The following PRDM2 variants were observed in gnomAD, a reference collection of about 807,000 sequenced individuals.
The protein encoded by PRDM2 is PR/SET domain 2.
In PRDM2, 30 loss-of-function variants were observed where a neutral mutation model predicts 130.0. The observed-to-expected ratio is 0.23, with a 90% CI of 0.17 to 0.31. The LOEUF (loss-of-function observed/expected upper bound fraction) is 0.31, where lower values mean the gene tolerates loss of function less well. Among genes scored for constraint, PRDM2 ranks in the 10% least tolerant of loss-of-function variants. The probability of loss-of-function intolerance (pLI) is 1.00; values close to 1 mark genes in which losing one functional copy is unlikely to be tolerated. For missense variants in PRDM2, 2,011 were observed against 2,108.4 expected, an observed-to-expected ratio of 0.95 and a Z score of 0.90; for synonymous variants, 871 against 782.4, an observed-to-expected ratio of 1.11 and a Z score of -1.89.
intron 6 of PRDM2, among the ~76,000 whole-genome samples, chr1:13,764,642 T>C (rs1418538254): frequency 6.6e-6 from 1 of 152,228 alleles, no homozygotes; most frequent in Non-Finnish European, 1.5e-5. Context: ...GCCTGACATT[T>C]GGAAGAGTTA....
chr1:13,737,089 T>C (rs1643296609), intron 4 of PRDM2, among the ~76,000 whole-genome samples: 1 of 152,226 alleles, frequency 6.6e-6, no homozygotes, highest in Non-Finnish European at 1.5e-5. Flanking sequence ...AAGTTAAAAT[T>C]GCAGGCAAGA....
chr1:13,752,711 C>T (rs563188212), intron 6 of PRDM2, among the ~76,000 whole-genome samples: 1 of 152,206 alleles, frequency 6.6e-6, no homozygotes, highest in South Asian at 2.1e-4. Flanking sequence ...AGTTCTTTTA[C>T]CTGGAGAAAC....
At chr1:13,738,676 A>G (rs965484191) in intron 4 of PRDM2, 2 of 152,182 alleles carry the variant, frequency 1.3e-5, no homozygotes, top group Non-Finnish European at 2.9e-5. Context: ...ATGTGCTATC[A>G]CCTGTTAGAT....
chr1:13,757,223 C>T (rs1237053589), intron 6 of PRDM2, among the ~76,000 whole-genome samples: 1 of 152,174 alleles, frequency 6.6e-6, no homozygotes, highest in Admixed American at 6.5e-5. Flanking sequence ...TTCAAACACC[C>T]CAAATAGTTT....
chr1:13,811,494 G>C (rs994537502), intron 8 of PRDM2, among the ~76,000 whole-genome samples: 1 of 152,220 alleles, frequency 6.6e-6, no homozygotes. Context: ...GACAGGGGCC[G>C]GGCCTGGGGA....
chr1:13,719,631 T>C (rs2100429570), intron 2 of PRDM2, among the ~76,000 whole-genome samples: 1 of 152,358 alleles, frequency 6.6e-6, no homozygotes, highest in Non-Finnish European at 1.5e-5. Context: ...GGGTACTTTT[T>C]TGTATTTCAG....
chr1:13,793,179 G>A (rs566249443), intron 8 of PRDM2, among the ~76,000 whole-genome samples: 1 of 152,366 alleles, frequency 6.6e-6, no homozygotes, highest in South Asian at 2.1e-4. Flanking sequence ...CTGAGTGGCA[G>A]GGCATGCTGC....
chr1:13,745,988 A>C (rs771523358), intron 5 of PRDM2, among the ~76,000 whole-genome samples: 30 of 152,150 alleles, frequency 2.0e-4, no homozygotes, highest in Non-Finnish European at 1.5e-5. Flanking sequence ...CTAATTTTCT[A>C]ATATTTCTGA....
chr1:13,780,036 T>A lies in PRDM2; in HGVS notation c.2241T>A (p.Ser747Arg). ...CTCCTCCCAGTTCTCCACAGCACAGTCCTGCCCTTCGAGACTTTGGAAAGC... is the reference window on the plus strand; with the variant it reads ...CTCCTCCCAGTTCTCCACAGCACAGACCTGCCCTTCGAGACTTTGGAAAGC... The part of the protein sequence containing the change: ...TSSPPSSPQH[S>R]PALRDFGKPS... The change falls in exon 8 of 10, where the codon AGT (serine) becomes AGA (arginine). Residue 747 changes from serine (S) to arginine (R), a missense_variant. Ser to Arg is a moderately radical substitution (Grantham distance 110, BLOSUM62 -1). Around this residue, in one of 5 missense-constraint regions of PRDM2, gnomAD observed 1,288 missense variants for 1,237.7 expected, o/e 1.04. Coordinates refer to ENST00000311066, the MANE Select transcript of PRDM2 (RefSeq NM_001393986.1). 1 of 1,614,180 alleles carries A rather than the reference T, an allele frequency of 6.2e-7. No homozygotes were observed. The highest frequency in any genetic ancestry group is 1.1e-5 in the South Asian group (1 of 91,074).
chr1:13,700,527 G>T lies in PRDM2; in HGVS notation c.-66+227G>T, dbSNP rs1642038620. Among the ~76,000 whole-genome samples the T allele has an allele frequency of 2.0e-5, 3 of 151,194 alleles. No individual in the cohort carries two copies. The South Asian group carries it at 6.2e-4, about 31-fold the overall frequency. On this transcript the variant is annotated intron_variant, in intron 1 of 9. Coordinates refer to ENST00000311066, the MANE Select transcript of PRDM2 (RefSeq NM_001393986.1). ...CCCCGCGGGTGGGTGGCGGCGCCGG[G>T]CTCCTCCTTGTCGGCCGTGGGGTCC...
chr1:13,784,041 T>G (rs1336838131), intron 8 of PRDM2, among the ~76,000 whole-genome samples: 1 of 152,184 alleles, frequency 6.6e-6, no homozygotes, highest in Admixed American at 6.5e-5. Flanking sequence ...AGAAGAATCA[T>G]TAGCTAAGGC....
At chr1:13,804,167 C>T (rs1343889305) in intron 8 of PRDM2, among the ~76,000 whole-genome samples, 1 of 152,158 alleles carries the variant, frequency 6.6e-6, no homozygotes, top group Non-Finnish European at 1.5e-5. Context: ...GACATGAAGA[C>T]AGCGCATGGG....
intron 3 of PRDM2, among the ~76,000 whole-genome samples, chr1:13,731,871 T>A (rs1643122415): frequency 6.6e-6 from 1 of 152,222 alleles, no homozygotes; most frequent in Non-Finnish European, 1.5e-5. Context: ...AAATTCTCAT[T>A]GGAAACTTAT....
chr1:13,709,972 A>G (rs1257088421), intron 1 of PRDM2, among the ~76,000 whole-genome samples: 1 of 152,236 alleles, frequency 6.6e-6, no homozygotes, highest in Non-Finnish European at 1.5e-5. Flanking sequence ...GTAAAAAATA[A>G]TATCAGTGAT....
intron 2 of PRDM2, among the ~76,000 whole-genome samples, chr1:13,719,287 A>G (rs1250763642): frequency 6.6e-6 from 1 of 152,220 alleles, no homozygotes; most frequent in African/African-American, 2.4e-5. Flanking sequence ...AGGCAGAGTG[A>G]ACACACAGTA....
chr1:13,738,026 A>G (rs1643323523), intron 4 of PRDM2, among the ~76,000 whole-genome samples: 1 of 152,162 alleles, frequency 6.6e-6, no homozygotes, highest in Non-Finnish European at 1.5e-5. Flanking sequence ...TTCCTAACAA[A>G]TCTGTTAGGA....
intron 2 of PRDM2, among the ~76,000 whole-genome samples, chr1:13,730,526 T>C (rs1643067875): frequency 6.6e-6 from 1 of 152,324 alleles, no homozygotes; most frequent in South Asian, 2.1e-4. Flanking sequence ...GGGTTGTTGC[T>C]GGAGGGCAAC....
rs375543011 is a variant in PRDM2, at chr1:13,820,465, C to G, written c.*24-2694C>G. On this transcript the variant is annotated intron_variant, in intron 9 of 9. Transcript: ENST00000311066. ...GCTGCCTAGTCTATAGGGAGGCTTC[C>G]TTTGCACATCCTGTCTTCACCCCGT... Among the ~76,000 whole-genome samples, 12 of 152,308 alleles carry G rather than the reference C, an allele frequency of 7.9e-5. No homozygotes were observed. The South Asian group carries it at 1.0e-3, about 13-fold the overall frequency.
intron 6 of PRDM2, among the ~76,000 whole-genome samples, chr1:13,754,327 T>C (rs924081516): frequency 6.6e-6 from 1 of 152,060 alleles, no homozygotes; most frequent in Non-Finnish European, 1.5e-5. Context: ...CCTCCTCCAG[T>C]GCGGAGTCTC....
Sources: gnomAD v4.1 joint callset for allele counts (sites outside exome capture counted in the v4.1 genomes callset) on GRCh38, gnomAD v4.1.1 for gene constraint, gnomAD v4.1.1 regional missense constraint, MANE v1.5 for transcripts, NCBI Gene and HGNC (gene_info 2026-07-23, HGNC 2026-07-21) for gene names.